The following HERC1 variants were observed in gnomAD, a reference collection of about 807,000 sequenced individuals.
The protein encoded by HERC1 is probable E3 ubiquitin-protein ligase HERC1.
Under a neutral mutation model 554.3 loss-of-function variants are expected in HERC1, and 160 were observed. The ratio of observed to expected loss-of-function variants is 0.29; its 90% CI spans 0.25 to 0.33. The LOEUF is 0.33. Among genes scored for constraint, HERC1 ranks in the 10% least tolerant of loss-of-function variants. HERC1 has a pLI of 1.00. For missense variants in HERC1, 4,919 were observed against 5,918.5 expected (o/e 0.83, Z 5.54); for synonymous variants, 2,175 against 2,131.7 (o/e 1.02, Z -0.56).
At chr15:63,675,979 C>A (rs532793367) in intron 37 of HERC1, among the ~76,000 whole-genome samples, 60 of 151,008 alleles carry the variant, frequency 4.0e-4, no homozygotes, top group African/African-American at 1.4e-3. Context: ...TCTCAGCTCA[C>A]TGCAACCTCT....
intron 65 of HERC1, 108 bp from the exon 66 acceptor site, chr15:63,634,996 C>A: frequency 2.7e-6 from 2 of 730,870 alleles, no homozygotes; most frequent in Middle Eastern, 2.7e-4. Flanking sequence ...ATAAACTTCA[C>A]TGAAAACTGG....
chr15:63,672,717 A>C, intron 38 of HERC1, 23 bp from the exon 39 acceptor site: 1 of 1,523,596 alleles, frequency 6.6e-7, no homozygotes. Context: ...AAAAAGGTTA[A>C]GAAAGTAGTA....
chr15:63,618,921 T>C (rs2067944176), intron 74 of HERC1, among the ~76,000 whole-genome samples: 1 of 152,200 alleles, frequency 6.6e-6, no homozygotes. Context: ...TTTCTAGATA[T>C]ACAATCATGT....
At chr15:63,675,145 A>C in intron 37 of HERC1, 28 bp from the exon 38 acceptor site, 1 of 1,542,730 alleles carries the variant, frequency 6.5e-7, no homozygotes, top group Non-Finnish European at 8.7e-7. Context: ...ATGACACAGG[A>C]AGAAGCAAGT....
chr15:63,617,614 C>T (rs145264044), intron 74 of HERC1, among the ~76,000 whole-genome samples: 55 of 152,332 alleles, frequency 3.6e-4, no homozygotes, highest in African/African-American at 1.3e-3. Context: ...AACTAGTTTA[C>T]AGTCCCACCA....
intron 26 of HERC1, among the ~76,000 whole-genome samples, chr15:63,697,190 T>G (rs552921794): frequency 6.6e-6 from 1 of 152,314 alleles, no homozygotes; most frequent in East Asian, 1.9e-4. Flanking sequence ...TTCCAGGATT[T>G]AATCCTAGAT....
intron 1 of HERC1, among the ~76,000 whole-genome samples, chr15:63,815,879 C>G (rs1442441505): frequency 1.3e-5 from 2 of 152,110 alleles, no homozygotes; most frequent in African/African-American, 4.8e-5. Flanking sequence ...ACACATCCTT[C>G]TTCACATGGG....
At chr15:63,669,768 T>C (rs2070810232) in intron 39 of HERC1, 70 bp from the exon 40 acceptor site, 1 of 1,367,856 alleles carries the variant, frequency 7.3e-7, no homozygotes, top group Admixed American at 1.8e-5. Context: ...ACAATCTTCT[T>C]ATAGAAGAAT....
intron 1 of HERC1, among the ~76,000 whole-genome samples, chr15:63,826,510 T>A (rs940575724): frequency 6.6e-6 from 1 of 152,050 alleles, no homozygotes; most frequent in Non-Finnish European, 1.5e-5. Context: ...GAATTTCAGT[T>A]ATCCTCTGTT....
chr15:63,808,154 C>G (rs1411977315), intron 1 of HERC1, among the ~76,000 whole-genome samples: 4 of 150,200 alleles, frequency 2.7e-5, no homozygotes, highest in African/African-American at 9.8e-5. Flanking sequence ...ACTACAATGT[C>G]CTAGTACAAA....
At chr15:63,695,002 T>C in intron 27 of HERC1, 108 bp from the exon 28 acceptor site, 1 of 932,842 alleles carries the variant, frequency 1.1e-6, no homozygotes, top group Non-Finnish European at 1.5e-6. Context: ...CTTACGATGG[T>C]TTTTAATTAT....
chr15:63,829,561 G>GTGTGTATATATATATATATA (rs1220043639), intron 1 of HERC1, among the ~76,000 whole-genome samples: 1 of 81,762 alleles, frequency 1.2e-5, no homozygotes, highest in East Asian at 2.7e-4. Flanking sequence ...GTGTGTGTGT[G>GTGTGTATATATATATATATA]TATATATATA....
chr15:63,749,434 T>C lies in HERC1; in HGVS notation c.2152A>G (p.Ile718Val), dbSNP rs775780648. Residue 718 changes from isoleucine to valine, a missense_variant, in exon 10 of 78, where the codon ATA (isoleucine) becomes GTA (valine). Physicochemically the swap from Ile to Val is conservative, Grantham distance 29. This residue lies in a region of HERC1 where 744 missense variants were observed against 1,090.0 expected (regional missense o/e 0.68). Coordinates refer to ENST00000443617, the MANE Select transcript of HERC1 (RefSeq NM_003922.4). This position sits in a 1 kb window ranked among gnomAD's most constrained non-coding sequence, Gnocchi z 4.1. ...KPKKVSGLDGIAIQQISAGTS... is the reference protein window; with the variant it reads ...KPKKVSGLDGVAIQQISAGTS... ...CCAGCCGAAATCTGCTGAATAGCTA[T>C]GCCATCTAAGCCACTCACTTTCTTT... The C allele has an allele frequency of 8.1e-6, 13 of 1,613,888 alleles. No individual in the cohort carries two copies. The highest frequency in any genetic ancestry group is 1.1e-5 in the South Asian group (1 of 91,068).
At position 63,661,733 on chromosome 15, in the gene HERC1, T is replaced by C; in HGVS notation, c.9170+20A>G. On this transcript the variant is annotated intron_variant, in intron 45 of 77. Coordinates refer to ENST00000443617, the MANE Select transcript of HERC1 (RefSeq NM_003922.4). Reference sequence around the variant, plus strand: ...GAGGTATCTTCAGGAGGTCTGGATATCTACACAATTTCAAGGTACCTTTCA... The same window carrying C: ...GAGGTATCTTCAGGAGGTCTGGATACCTACACAATTTCAAGGTACCTTTCA... 2 of 1,612,276 alleles carry C rather than the reference T, an allele frequency of 1.2e-6. No individual in the cohort carries two copies. Among genetic ancestry groups the C allele is most frequent in the Non-Finnish European group, 1.7e-6 (2 of 1,178,526 alleles).
Position 63,758,031 on chromosome 15 carries a change from GA to G in HERC1, c.1221+143del. 3.3e-6 allele frequency: 2 copies of G among 607,360 alleles called. No homozygotes were observed. The allele number at this position is 607,360 out of a possible 1,614,324, so 37.6% of individuals were successfully genotyped here. ...CAAAAATTTATTTTTCTATTAAAAT[GA>G]AAAAAACTAATGCAGTATATAGACC... On this transcript the variant is annotated intron_variant, in intron 4 of 77. Coordinates refer to ENST00000443617, the MANE Select transcript of HERC1 (RefSeq NM_003922.4). The surrounding 1 kb of genome is among the most constrained non-coding windows in gnomAD (Gnocchi z 4.0).
chr15:63,833,597 C>T (rs1351368405), intron 1 of HERC1, among the ~76,000 whole-genome samples: 1 of 151,968 alleles, frequency 6.6e-6, no homozygotes, highest in Non-Finnish European at 1.5e-5. Context: ...CGGCAGGAGG[C>T]CTCTAGAGCC....
At chr15:63,625,147 C>T (rs1455229919) in intron 71 of HERC1, among the ~76,000 whole-genome samples, 1 of 152,196 alleles carries the variant, frequency 6.6e-6, no homozygotes, top group Non-Finnish European at 1.5e-5. Context: ...CGCACGCACA[C>T]ACAATAGCTA....
chr15:63,655,202 A>T (rs2069959714), intron 50 of HERC1, among the ~76,000 whole-genome samples: 2 of 151,348 alleles, frequency 1.3e-5, no homozygotes. Flanking sequence ...AAAAATAGAA[A>T]AATTAGCCGG....
At chr15:63,643,333 A>C (rs755234884) in intron 58 of HERC1, 71 bp downstream of exon 58, 9 of 1,344,110 alleles carry the variant, frequency 6.7e-6, no homozygotes, top group Non-Finnish European at 8.2e-6. Context: ...ACAATTGGTT[A>C]ATTTTTATCA....
Sources: allele counts gnomAD v4.1 joint callset (sites outside exome capture counted in the v4.1 genomes callset), GRCh38; gene constraint gnomAD v4.1.1; regional missense constraint gnomAD v4.1.1; non-coding constraint Gnocchi (gnomAD v3.1); transcripts MANE v1.5; gene names NCBI Gene and HGNC (gene_info 2026-07-23, HGNC 2026-07-21).